Variants in FSTL5 observed in about 807,000 individuals in gnomAD.
FSTL5 encodes the protein follistatin-related protein 5.
A neutral mutation model predicts 89.1 loss-of-function variants in FSTL5; 62 were observed. That is an observed-to-expected ratio of 0.70 (90% CI 0.57 to 0.86). The LOEUF is 0.86. FSTL5 is among the 40% of genes least tolerant of loss of function. The pLI, the probability that FSTL5 is intolerant of heterozygous loss-of-function variation, is 0.00. For synonymous variants in FSTL5, 383 were observed against 346.2 expected, an observed-to-expected ratio of 1.11 and a Z score of -1.18; for missense variants, 1,057 against 1,001.6, an observed-to-expected ratio of 1.06 and a Z score of -0.75.
At chr4:161,587,344 A>C in intron 8 of FSTL5, 111 bp downstream of exon 8, 1 of 975,366 alleles carries the variant, frequency 1.0e-6, no homozygotes, top group Non-Finnish European at 1.6e-6. Flanking sequence ...TTGAGTCTCA[A>C]AACTTGAAAT....
At chr4:161,943,166 A>G (rs767715029) in intron 3 of FSTL5, among the ~76,000 whole-genome samples, 50 of 152,078 alleles carry the variant, frequency 3.3e-4, no homozygotes, top group Non-Finnish European at 6.3e-4. Context: ...ACACTGTATA[A>G]AAAAATCAAA....
intron 2 of FSTL5, 62 bp from the exon 3 acceptor site, chr4:162,033,720 A>G: frequency 1.1e-6 from 1 of 922,518 alleles, no homozygotes; most frequent in Non-Finnish European, 1.7e-6. Context: ...ACTGTTTCAT[A>G]TAAAGTTTCA....
At chr4:161,872,691 G>A (rs1235363850) in intron 4 of FSTL5, among the ~76,000 whole-genome samples, 1 of 152,132 alleles carries the variant, frequency 6.6e-6, no homozygotes, top group African/African-American at 2.4e-5. Context: ...TTAGGTGAGC[G>A]ATAAAGGGCT....
At chr4:162,111,182 G>A (rs1303367369) in intron 2 of FSTL5, 89 bp downstream of exon 2, 9 of 1,023,676 alleles carry the variant, frequency 8.8e-6, no homozygotes, top group East Asian at 8.1e-5. Context: ...TCTGAAATAA[G>A]TGCTCCTAAG....
intron 6 of FSTL5, among the ~76,000 whole-genome samples, chr4:161,727,029 C>G (rs2126758339): frequency 6.6e-6 from 1 of 151,922 alleles, no homozygotes; most frequent in South Asian, 2.1e-4. Context: ...TAGTTTAAAA[C>G]TTTCAGAAAA....
intron 3 of FSTL5, among the ~76,000 whole-genome samples, chr4:161,976,975 GACTATA>G (rs1218752097): frequency 6.6e-6 from 1 of 152,158 alleles, no homozygotes; most frequent in African/African-American, 2.4e-5. Flanking sequence ...TTTCCATGGT[GACTATA>G]ATGGCTATCT....
chr4:161,866,465 A>AGTGTGTGTGTGTGTGTGT (rs70937692), intron 4 of FSTL5, among the ~76,000 whole-genome samples: 20 of 131,950 alleles, frequency 1.5e-4, no homozygotes, highest in Admixed American at 5.5e-4. Context: ...TCTAAGCTGT[A>AGTGTGTGTGTGTGTGTGT]GTGTGTGTGT....
chr4:161,450,639 C>G (rs536851208), intron 15 of FSTL5, among the ~76,000 whole-genome samples: 1 of 151,644 alleles, frequency 6.6e-6, no homozygotes, highest in African/African-American at 2.4e-5. Flanking sequence ...AATAATGAAG[C>G]GTTGCTTTAT....
intron 5 of FSTL5, among the ~76,000 whole-genome samples, chr4:161,766,906 CGATTGATAGATAGATAGATAGATAGATA>C (rs1383597439): frequency 3.6e-5 from 5 of 138,620 alleles, no homozygotes; most frequent in African/African-American, 1.3e-4. Context: ...GATGATAGAT[CGATTGATAGATAGATAGATAGATAGATA>C]GATAGATAGA....
intron 4 of FSTL5, among the ~76,000 whole-genome samples, chr4:161,786,573 C>T (rs1384491173): frequency 2.0e-5 from 3 of 152,038 alleles, no homozygotes; most frequent in Admixed American, 6.6e-5. Flanking sequence ...GTCCCCAAAC[C>T]GACCAAATAA....
chr4:161,482,040 G>T (rs1019308045), intron 12 of FSTL5, among the ~76,000 whole-genome samples: 4 of 152,226 alleles, frequency 2.6e-5, no homozygotes, highest in Non-Finnish European at 5.9e-5. Flanking sequence ...GTATGTGCAG[G>T]CCGGGCGTGG....
intron 7 of FSTL5, among the ~76,000 whole-genome samples, chr4:161,594,744 T>C (rs1009509914): frequency 6.6e-6 from 1 of 151,936 alleles, no homozygotes; most frequent in Non-Finnish European, 1.5e-5. Flanking sequence ...ACTAATCCTC[T>C]CATCAGTTTG....
intron 4 of FSTL5, among the ~76,000 whole-genome samples, chr4:161,790,998 T>TTA (rs3047002): frequency 1.3e-5 from 2 of 152,230 alleles, no homozygotes; most frequent in Admixed American, 6.5e-5. Flanking sequence ...TTTTGAAAGA[T>TTA]CTAGATCTAG....
rs886754260 is a variant in FSTL5, at chr4:161,845,665, A to G, written c.410-69591T>C. ...TTTAGATTTTCATTTGATATTTGATATTAGTTTATAATGTAACTCATTACT... is the reference window on the plus strand; with the variant it reads ...TTTAGATTTTCATTTGATATTTGATGTTAGTTTATAATGTAACTCATTACT... On this transcript the variant is annotated intron_variant, in intron 4 of 15. Coordinates refer to ENST00000306100, the MANE Select transcript of FSTL5 (RefSeq NM_020116.5). Among the ~76,000 whole-genome samples the G allele has an allele frequency of 4.6e-5, 7 of 152,310 alleles. No homozygotes were observed. In the East Asian group the frequency reaches 9.6e-4, roughly 21 times the overall value.
intron 4 of FSTL5, among the ~76,000 whole-genome samples, chr4:161,841,099 T>C: frequency 6.6e-6 from 1 of 152,192 alleles, no homozygotes; most frequent in East Asian, 1.9e-4. Flanking sequence ...TTTAGCTTTT[T>C]CAGGCCTAAA....
chr4:161,443,088 A>G (rs1732832178), intron 15 of FSTL5, among the ~76,000 whole-genome samples: 1 of 152,002 alleles, frequency 6.6e-6, no homozygotes, highest in Non-Finnish European at 1.5e-5. Context: ...ATTCAGCTCT[A>G]GATTGCCATC....
At chr4:161,659,453 T>A (rs1234401432) in intron 6 of FSTL5, among the ~76,000 whole-genome samples, 3 of 152,182 alleles carry the variant, frequency 2.0e-5, no homozygotes, top group Non-Finnish European at 4.4e-5. Flanking sequence ...ATTTGTCTTG[T>A]GATAGTTATT....
chr4:161,610,777 TATA>T (rs1199004628), intron 7 of FSTL5, among the ~76,000 whole-genome samples: 1 of 81,910 alleles, frequency 1.2e-5, no homozygotes, highest in Non-Finnish European at 2.4e-5. Context: ...AGATTTCCTC[TATA>T]ATTTTTTTTT....
chr4:161,869,806 A>C (rs552186105), intron 4 of FSTL5, among the ~76,000 whole-genome samples: 1 of 152,344 alleles, frequency 6.6e-6, no homozygotes, highest in East Asian at 1.9e-4. Flanking sequence ...GCATTCTCCT[A>C]CAGATAGGTA....
Sources: gnomAD v4.1 joint callset for allele counts (sites outside exome capture counted in the v4.1 genomes callset) on GRCh38, gnomAD v4.1.1 for gene constraint, MANE v1.5 for transcripts, NCBI Gene and HGNC (gene_info 2026-07-23, HGNC 2026-07-21) for gene names.